TNC: variants seen among roughly 807,000 people sequenced by gnomAD.
TNC encodes tenascin.
A neutral mutation model predicts 202.4 loss-of-function variants in TNC; 109 were observed. The observed-to-expected ratio is 0.54, with a 90% CI of 0.46 to 0.63. TNC has a LOEUF of 0.63. Among genes scored for constraint, TNC ranks in the 30% least tolerant of loss-of-function variants. The pLI is 0.00. For synonymous variants in TNC, 1,007 were observed against 1,089.7 expected, an observed-to-expected ratio of 0.92 and a Z score of 1.50; for missense variants, 2,756 against 2,833.3, an observed-to-expected ratio of 0.97 and a Z score of 0.62.
At position 115,086,809 on chromosome 9, in the gene TNC, C is replaced by T. The variant is rs1286148385; in HGVS notation, c.922G>A (p.Glu308Lys). Residue 308 changes from glutamate (E) to lysine (K), a missense_variant, in exon 3 of 28, where the codon GAA becomes AAA. Transcript: ENST00000350763. ...GGGCAGATGAGCTCACTGCAGTCTT[C>T]GCCCGTGAAACCCTCATCACACACG... Reference protein sequence around the residue: ...ECVCDEGFTGEDCSELICPND... With the variant: ...ECVCDEGFTGKDCSELICPND... 9.9e-6 allele frequency: 16 copies of T among 1,613,972 alleles called. No homozygotes were observed. The highest frequency in any genetic ancestry group is 3.3e-5 in the South Asian group (3 of 91,096).
chr9:115,101,202 G>T (rs993694286), intron 1 of TNC, among the ~76,000 whole-genome samples: 3 of 152,126 alleles, frequency 2.0e-5, no homozygotes, highest in South Asian at 2.1e-4. Context: ...CTCCCAAAGA[G>T]TCACAAAATA....
At position 115,076,227 on chromosome 9, in the gene TNC, C is replaced by T. The variant is rs544946615; in HGVS notation, c.2861-106G>A. 3.7e-5 allele frequency: 53 copies of T among 1,425,678 alleles called. No individual in the cohort carries two copies. The East Asian group carries it at 5.9e-4, about 16-fold the overall frequency. 88.3% of individuals were successfully genotyped at this position (1,425,678 alleles called of 1,614,324 possible). A position where few individuals can be genotyped will look rare whatever the true frequency, so the allele number is the denominator to read the frequency against. ...GTCTCTGGAGGCTACAACAAATTTT[C>T]GGAATGTTTTACAAAAGAACTCACT... On this transcript the variant is annotated intron_variant, in intron 8 of 27. Coordinates refer to ENST00000350763, the MANE Select transcript of TNC (RefSeq NM_002160.4).
At chr9:115,107,400 G>T (rs952136461) in intron 1 of TNC, among the ~76,000 whole-genome samples, 1 of 152,150 alleles carries the variant, frequency 6.6e-6, no homozygotes, top group Non-Finnish European at 1.5e-5. Flanking sequence ...GAATATAGTA[G>T]TTATTCAATA....
chr9:115,045,020 T>C (rs1411338061), intron 17 of TNC, among the ~76,000 whole-genome samples: 1 of 152,336 alleles, frequency 6.6e-6, no homozygotes, highest in African/African-American at 2.4e-5. Flanking sequence ...AGACTGCTCA[T>C]TTTAAATAGT....
At chr9:115,045,087 A>G (rs1484574247) in intron 17 of TNC, among the ~76,000 whole-genome samples, 1 of 152,108 alleles carries the variant, frequency 6.6e-6, no homozygotes, top group Non-Finnish European at 1.5e-5. Flanking sequence ...GATCATAGAA[A>G]AATCATTTCA....
Position 115,086,136 on chromosome 9 carries a change from C to T in TNC, c.1595G>A (p.Cys532Tyr), listed in dbSNP as rs778875884. Residue 532 changes from cysteine (C) to tyrosine (Y), a missense_variant, in exon 3 of 28, where the codon TGT becomes TAT. Around this residue, in one of 2 missense-constraint regions of TNC, gnomAD observed 2,559 missense variants for 2,546.0 expected, o/e 1.01. Transcript: ENST00000350763. ...ACCCTGGCCATGGCAGTCATTTGGA[C>T]AGGAGAGTTCTGCACAGTCAGGGCC... ...FTGPDCAELS[C>Y]PNDCHGQGRC... 1 of 1,614,046 alleles carries T rather than the reference C, an allele frequency of 6.2e-7. No individual in the cohort carries two copies. The highest frequency in any genetic ancestry group is 1.1e-5 in the South Asian group (1 of 91,078).
At chr9:115,095,405 C>T (rs934359890) in intron 1 of TNC, among the ~76,000 whole-genome samples, 1 of 148,772 alleles carries the variant, frequency 6.7e-6, no homozygotes, top group African/African-American at 2.5e-5. Flanking sequence ...AGAACTTTTC[C>T]TCTCTCAGTG....
chr9:115,061,292 T>C (rs562080631), intron 13 of TNC, among the ~76,000 whole-genome samples: 4 of 152,354 alleles, frequency 2.6e-5, no homozygotes, highest in Admixed American at 6.5e-5. Context: ...GTGTTCCACA[T>C]AGATCTGGGG....
intron 10 of TNC, among the ~76,000 whole-genome samples, chr9:115,072,939 G>A (rs892683306): frequency 2.0e-5 from 3 of 152,152 alleles, no homozygotes; most frequent in Non-Finnish European, 4.4e-5. Flanking sequence ...GAGTAACCAT[G>A]GCCTCAGGTT....
At chr9:115,036,718 C>T (rs1470838742) in intron 20 of TNC, among the ~76,000 whole-genome samples, 1 of 152,194 alleles carries the variant, frequency 6.6e-6, no homozygotes, top group Non-Finnish European at 1.5e-5. Context: ...AGTAGCTGCA[C>T]CAGAGCCTGG....
chr9:115,040,117 C>T (rs1830618505), intron 19 of TNC, among the ~76,000 whole-genome samples: 1 of 152,140 alleles, frequency 6.6e-6, no homozygotes, highest in African/African-American at 2.4e-5. Context: ...CATTATTTTC[C>T]CCTCTTTACA....
chr9:115,026,431 A>G, intron 26 of TNC, 103 bp downstream of exon 26: 1 of 1,266,554 alleles, frequency 7.9e-7, no homozygotes, highest in Non-Finnish European at 1.1e-6. Context: ...GATTTAATAA[A>G]TTGCTGGATT....
In TNC at chr9:115,019,757, A is replaced by G. The variant is rs909183044; in HGVS notation, c.*1400T>C. 2 of 152,194 alleles carry G rather than the reference A, an allele frequency of 1.3e-5. No homozygotes were observed. Among genetic ancestry groups the G allele is most frequent in the Non-Finnish European group, 2.9e-5 (2 of 68,044 alleles). The allele number at this position is 152,194 out of a possible 1,614,324, so 9.4% of individuals were successfully genotyped here. A position where few individuals can be genotyped will look rare whatever the true frequency, so the allele number is the denominator to read the frequency against. ...ATAACATAATTTATTCTTCACAAAA[A>G]TGTTCTGAAATGAGAAGTATGAGTG... On this transcript the variant is annotated 3_prime_UTR_variant, in exon 28 of 28. Transcript: ENST00000350763.
chr9:115,087,227 G>A lies in TNC; in HGVS notation c.504C>T (p.Ser168=), dbSNP rs775607711. Reference sequence around the variant, plus strand: ...CGCAGACACAGCCACATCCTTCAGTGCTGAAGTTGCCCCGACCGCTACAGA... The same window carrying A: ...CGCAGACACAGCCACATCCTTCAGTACTGAAGTTGCCCCGACCGCTACAGA... ...RPFCSGRGNF[S]TEGCGCVCEP... The change falls in exon 3 of 28, where the codon AGC becomes AGT. Residue 168 remains serine, a synonymous_variant. Transcript: ENST00000350763. 1 of 1,614,202 alleles carries A rather than the reference G, an allele frequency of 6.2e-7. No homozygotes were observed. The highest frequency in any genetic ancestry group is 1.1e-5 in the South Asian group (1 of 91,086).
intron 15 of TNC, 50 bp from the exon 16 acceptor site, chr9:115,048,582 G>C: frequency 6.4e-7 from 1 of 1,557,396 alleles, no homozygotes; most frequent in Non-Finnish European, 8.7e-7. Flanking sequence ...CACTGACTCT[G>C]TCAGGATAGC....
intron 1 of TNC, among the ~76,000 whole-genome samples, chr9:115,108,577 T>C (rs946766101): frequency 1.3e-5 from 2 of 152,232 alleles, no homozygotes; most frequent in Non-Finnish European, 2.9e-5. Context: ...TTTGTCTTTC[T>C]TCTTAGCAAA....
At chr9:115,051,693 T>C (rs1285698331) in intron 15 of TNC, among the ~76,000 whole-genome samples, 2 of 152,092 alleles carry the variant, frequency 1.3e-5, no homozygotes, top group South Asian at 2.1e-4. Context: ...GTTATACTTT[T>C]GTCACATATA....
intron 1 of TNC, among the ~76,000 whole-genome samples, chr9:115,110,123 G>A (rs77142430): frequency 0.019 from 2,948 of 152,238 alleles, 98 homozygotes; most frequent in African/African-American, 0.068. Context: ...GGAGGAAGTG[G>A]TGCCTGAACT....
At chr9:115,031,847 C>T (rs1829970369) in intron 22 of TNC, among the ~76,000 whole-genome samples, 162 bp from the exon 23 acceptor site, 1 of 152,154 alleles carries the variant, frequency 6.6e-6, no homozygotes, top group Non-Finnish European at 1.5e-5. Context: ...ATGTGCACTG[C>T]TGAGATATCA....
Sources: allele counts gnomAD v4.1 joint callset (sites outside exome capture counted in the v4.1 genomes callset), GRCh38; gene constraint gnomAD v4.1.1; regional missense constraint gnomAD v4.1.1; transcripts MANE v1.5; gene names NCBI Gene and HGNC (gene_info 2026-07-23, HGNC 2026-07-21).